Variants in CR1 observed in about 807,000 individuals in gnomAD.
CR1 encodes the protein complement C3b/C4b receptor 1 (Knops blood group), also known as complement receptor type 1.
In CR1, 116 loss-of-function variants were observed where a neutral mutation model predicts 187.3. That is an observed-to-expected ratio of 0.62 (90% CI 0.53 to 0.72). The LOEUF (loss-of-function observed/expected upper bound fraction) is 0.72. CR1 is among the 30% of genes least tolerant of loss of function. CR1 has a pLI of 0.00. For synonymous variants in CR1, 576 were observed against 747.1 expected (o/e 0.77, Z 3.73); for missense variants, 1,731 against 2,110.7 (o/e 0.82, Z 3.52).
At chr1:207,590,228 C>T (rs1364355135) in intron 35 of CR1, among the ~76,000 whole-genome samples, 1 of 152,164 alleles carries the variant, frequency 6.6e-6, no homozygotes, top group Non-Finnish European at 1.5e-5. Context: ...GGGTTACCTA[C>T]AAAGGGAAGC....
intron 4 of CR1, 102 bp from the exon 5 acceptor site, chr1:207,523,509 C>T (rs1404816989): frequency 6.5e-7 from 1 of 1,544,020 alleles, no homozygotes; most frequent in Non-Finnish European, 8.8e-7. Context: ...AGATTAAAAG[C>T]AAATAATGAA....
chr1:207,594,285 G>A (rs1009713571), intron 35 of CR1, among the ~76,000 whole-genome samples: 4 of 152,172 alleles, frequency 2.6e-5, no homozygotes, highest in Non-Finnish European at 4.4e-5. Context: ...AAAAAAGGAT[G>A]AGTTCATGTC....
At chr1:207,591,045 G>A (rs760114376) in intron 35 of CR1, among the ~76,000 whole-genome samples, 2 of 152,104 alleles carry the variant, frequency 1.3e-5, no homozygotes, top group Non-Finnish European at 1.5e-5. Flanking sequence ...ACAGGTCAAC[G>A]AGACAGAAAA....
At chr1:207,510,304 G>A (rs1382044549) in intron 3 of CR1, among the ~76,000 whole-genome samples, 1 of 152,166 alleles carries the variant, frequency 6.6e-6, no homozygotes, top group African/African-American at 2.4e-5. Context: ...ATGTAATAGT[G>A]CATCAAGTAT....
At chr1:207,511,719 A>C (rs1260402936) in intron 4 of CR1, 65 bp downstream of exon 4, 7 of 1,493,736 alleles carry the variant, frequency 4.7e-6, no homozygotes, top group Non-Finnish European at 6.5e-6. Flanking sequence ...TGGAATAATA[A>C]AAATCTTAAC....
chr1:207,597,672 G>A (rs76482476), intron 35 of CR1, among the ~76,000 whole-genome samples: 5,135 of 152,276 alleles, frequency 0.034, 281 homozygotes, highest in African/African-American at 0.12. Flanking sequence ...GTGTAGCACT[G>A]TGGAAAACAG....
At chr1:207,497,734 G>T (rs536539216) in intron 1 of CR1, among the ~76,000 whole-genome samples, 21 of 152,028 alleles carry the variant, frequency 1.4e-4, no homozygotes, top group African/African-American at 5.1e-4. Context: ...CTAGAATGTT[G>T]TTTTACTTAG....
intron 1 of CR1, among the ~76,000 whole-genome samples, chr1:207,505,229 C>T (rs1659390739): frequency 6.6e-6 from 1 of 152,192 alleles, no homozygotes; most frequent in Non-Finnish European, 1.5e-5. Context: ...TCTTGGCTCA[C>T]TGCAACATCT....
chr1:207,577,114 G>A (rs575929095), intron 28 of CR1, among the ~76,000 whole-genome samples: 1 of 152,048 alleles, frequency 6.6e-6, no homozygotes, highest in East Asian at 1.9e-4. Context: ...AGCCGAGTTT[G>A]GTGGCGCATG....
intron 40 of CR1, 94 bp from the exon 41 acceptor site, chr1:207,616,481 A>G: frequency 7.2e-7 from 1 of 1,392,292 alleles, no homozygotes; most frequent in Non-Finnish European, 9.8e-7. Context: ...TCTAAAAGTT[A>G]TATTCTTTTT....
chr1:207,616,459 A>C, intron 40 of CR1, 116 bp from the exon 41 acceptor site: 1 of 1,230,680 alleles, frequency 8.1e-7, no homozygotes, highest in Non-Finnish European at 1.1e-6. Flanking sequence ...CGTCTACCTT[A>C]GTTATATTCT....
chr1:207,520,630 G>A (rs1184599164), intron 4 of CR1, among the ~76,000 whole-genome samples: 1 of 152,076 alleles, frequency 6.6e-6, no homozygotes, highest in East Asian at 1.9e-4. Context: ...TGACTGAAGA[G>A]GTTTTCTCTA....
Position 207,564,295 on chromosome 1 carries a change from A to G in CR1, c.3866+61A>G. On this transcript the variant is annotated intron_variant, in intron 23 of 46. Coordinates refer to ENST00000367049, the MANE Select transcript of CR1 (RefSeq NM_000651.6). Reference sequence around the variant, plus strand: ...AATTGGGGTTGGGAATCAGTCTAAAAAGGGGAGATTTGGTGTGGCTTAAAA... The same window carrying G: ...AATTGGGGTTGGGAATCAGTCTAAAGAGGGGAGATTTGGTGTGGCTTAAAA... 1.9e-6 allele frequency: 3 copies of G among 1,594,484 alleles called. No individual in the cohort carries two copies. The South Asian group carries it at 3.3e-5, about 18-fold the overall frequency.
intron 32 of CR1, 74 bp from the exon 33 acceptor site, chr1:207,584,575 T>C: frequency 1.3e-6 from 2 of 1,521,142 alleles, no homozygotes; most frequent in Non-Finnish European, 1.8e-6. Flanking sequence ...AGTCACAGTA[T>C]GACAACTGTA....
At chr1:207,623,644 T>G (rs1662389281) in intron 45 of CR1, among the ~76,000 whole-genome samples, 1 of 148,088 alleles carries the variant, frequency 6.8e-6, no homozygotes, top group African/African-American at 2.5e-5. Flanking sequence ...ACACAGCATT[T>G]TAAGAAGGAA....
At chr1:207,510,220 C>T (rs1572995430) in intron 3 of CR1, among the ~76,000 whole-genome samples, 1 of 152,026 alleles carries the variant, frequency 6.6e-6, no homozygotes, top group East Asian at 1.9e-4. Flanking sequence ...AAAAAAAGAA[C>T]AACAACAACA....
chr1:207,496,422 G>A (rs1216520175), intron 1 of CR1, 34 bp downstream of exon 1: 2 of 1,577,866 alleles, frequency 1.3e-6, no homozygotes, highest in Non-Finnish European at 1.7e-6. Flanking sequence ...AGGCGCCCGG[G>A]CGGACGAGGA....
At chr1:207,610,238 GTA>G (rs1024960851) in intron 37 of CR1, among the ~76,000 whole-genome samples, 2 of 151,938 alleles carry the variant, frequency 1.3e-5, no homozygotes, top group African/African-American at 4.8e-5. Flanking sequence ...ATATATATAT[GTA>G]TATACACACA....
At chr1:207,591,646 A>G (rs1471199145) in intron 35 of CR1, among the ~76,000 whole-genome samples, 1 of 152,188 alleles carries the variant, frequency 6.6e-6, no homozygotes, top group Non-Finnish European at 1.5e-5. Context: ...CCTTCAAAAA[A>G]TCAATGAATC....
Sources: gnomAD v4.1 joint callset for allele counts (sites outside exome capture counted in the v4.1 genomes callset) on GRCh38, gnomAD v4.1.1 for gene constraint, MANE v1.5 for transcripts, NCBI Gene and HGNC (gene_info 2026-07-23, HGNC 2026-07-21) for gene names.